The following RNF216 variants were observed in gnomAD, a reference collection of about 807,000 sequenced individuals.
The protein encoded by RNF216 is E3 ubiquitin-protein ligase RNF216.
Under a neutral mutation model 110.8 loss-of-function variants are expected in RNF216, and 72 were observed. The ratio of observed to expected loss-of-function variants is 0.65; its 90% CI spans 0.54 to 0.79. RNF216 has a LOEUF of 0.79. RNF216 is among the 30% of genes least tolerant of loss of function. The pLI is 0.00. For missense variants in RNF216, 1,342 were observed against 1,141.2 expected, an observed-to-expected ratio of 1.18 and a Z score of -2.54; for synonymous variants, 495 against 407.5, an observed-to-expected ratio of 1.21 and a Z score of -2.59.
intron 13 of RNF216, among the ~76,000 whole-genome samples, chr7:5,710,460 A>G (rs73673177): frequency 0.074 from 11,228 of 152,082 alleles, 1,365 homozygotes; most frequent in African/African-American, 0.26. Flanking sequence ...TTTCACTGGC[A>G]GACCTTCTTT....
chr7:5,744,167 G>T (rs1794913015), intron 3 of RNF216, among the ~76,000 whole-genome samples: 1 of 152,046 alleles, frequency 6.6e-6, no homozygotes, highest in Non-Finnish European at 1.5e-5. Flanking sequence ...CTGCAGCCAA[G>T]AAGAAGAAGA....
At chr7:5,673,257 C>T (rs1790040821) in intron 13 of RNF216, among the ~76,000 whole-genome samples, 1 of 152,210 alleles carries the variant, frequency 6.6e-6, no homozygotes, top group Non-Finnish European at 1.5e-5. Context: ...CATGGCCTCT[C>T]CCCGCCCACC....
At chr7:5,649,446 C>T (rs563663788) in intron 14 of RNF216, among the ~76,000 whole-genome samples, 13 of 151,708 alleles carry the variant, frequency 8.6e-5, no homozygotes, top group Non-Finnish European at 1.6e-4. Flanking sequence ...GAGGTCAAGG[C>T]TAAGGTTAGC....
At position 5,673,021 on chromosome 7, in the gene RNF216, G is replaced by A. The variant is rs1011180322; in HGVS notation, c.2062-20511C>T. ...TGTATTGTGTCTTAACAAGAGACAC[G>A]GGGCAGGGGCAGGGTGTATCCATCT... is the stretch of plus-strand genomic sequence containing the variant. On this transcript the variant is annotated intron_variant, in intron 13 of 16. Transcript: ENST00000389902. 3.9e-5 allele frequency among the ~76,000 whole-genome samples: 6 copies of A among 152,260 alleles called. No homozygotes were observed. The East Asian group carries it at 7.7e-4, about 20-fold the overall frequency.
At chr7:5,776,970 G>C (rs1197349246) in intron 1 of RNF216, among the ~76,000 whole-genome samples, 3 of 150,688 alleles carry the variant, frequency 2.0e-5, no homozygotes, top group Admixed American at 6.6e-5. Context: ...GAAAGAAAAA[G>C]AAAGTGAAAG....
intron 13 of RNF216, among the ~76,000 whole-genome samples, chr7:5,658,571 T>C (rs898061558): frequency 1.3e-5 from 2 of 151,332 alleles, no homozygotes; most frequent in Admixed American, 6.6e-5. Flanking sequence ...GGGGGAGGAT[T>C]TCTTGAGCCT....
chr7:5,744,715 A>G (rs1294108858), intron 3 of RNF216, among the ~76,000 whole-genome samples: 2 of 152,202 alleles, frequency 1.3e-5, no homozygotes, highest in Admixed American at 1.3e-4. Context: ...GCTTATGCCT[A>G]TAATCCCAGC....
chr7:5,781,316 G>A (rs1797077797), intron 1 of RNF216, among the ~76,000 whole-genome samples: 2 of 152,086 alleles, frequency 1.3e-5, no homozygotes, highest in Non-Finnish European at 2.9e-5. Flanking sequence ...GCCGCTCAGC[G>A]CCTTTGTCGC....
rs542279878 is a variant in RNF216, at chr7:5,641,137, G to A, written c.2382+17C>T. ...TTTTCTCCCTATAAAGCAATAGGCA[G>A]CCATGTGTCTACTTACAGTGGGATC... On this transcript the variant is annotated intron_variant, in intron 15 of 16. Transcript: ENST00000389902. 3.9e-6 allele frequency: 6 copies of A among 1,558,146 alleles called. No individual in the cohort carries two copies. The South Asian group carries it at 6.7e-5, about 17-fold the overall frequency.
At chr7:5,689,015 C>T (rs1258475034) in intron 13 of RNF216, among the ~76,000 whole-genome samples, 3 of 152,172 alleles carry the variant, frequency 2.0e-5, no homozygotes, top group African/African-American at 7.2e-5. Flanking sequence ...AGAAGCCTGG[C>T]ATCTTACTTG....
rs566567644 is a variant in RNF216, at chr7:5,620,798, C to G, written c.*2062G>C. 6.6e-6 allele frequency: 1 copy of G among 152,438 alleles called. No individual in the cohort carries two copies. Among genetic ancestry groups the G allele is most frequent in the African/African-American group, 2.4e-5 (1 of 41,456 alleles). The allele number at this position is 152,438 out of a possible 1,614,324, so 9.4% of individuals were successfully genotyped here. A position where few individuals can be genotyped will look rare whatever the true frequency, so the allele number is the denominator to read the frequency against. ...CCTGCTCCCTTTGTCCTGCCTGGGG[C>G]TCTTGCTGGAGCCACGTGCCTAGGG... On this transcript the variant is annotated 3_prime_UTR_variant, in exon 17 of 17. Coordinates refer to ENST00000389902, the MANE Select transcript of RNF216 (RefSeq NM_207111.4).
chr7:5,714,060 T>C (rs1792887470), intron 11 of RNF216, among the ~76,000 whole-genome samples: 1 of 152,220 alleles, frequency 6.6e-6, no homozygotes, highest in Non-Finnish European at 1.5e-5. Flanking sequence ...TGGAGTGCAG[T>C]GGTGCGATCT....
Position 5,716,709 on chromosome 7 carries a change from A to T in RNF216, c.1695+7T>A, listed in dbSNP as rs368657376. 1.1e-5 allele frequency: 17 copies of T among 1,581,478 alleles called. No individual in the cohort carries two copies. The highest frequency in any genetic ancestry group is 1.5e-5 in the Non-Finnish European group (17 of 1,160,968). ...CCCAGAATAAACAAGGTGAGATTTCAAACTACCTTTTGATACTGTTCTTCA... is the reference window on the plus strand; with the variant it reads ...CCCAGAATAAACAAGGTGAGATTTCTAACTACCTTTTGATACTGTTCTTCA... On this transcript the variant is annotated splice_region_variant and intron_variant, in intron 10 of 16. Coordinates refer to ENST00000389902, the MANE Select transcript of RNF216 (RefSeq NM_207111.4).
intron 3 of RNF216, among the ~76,000 whole-genome samples, chr7:5,745,116 C>G (rs960180025): frequency 1.3e-5 from 2 of 152,148 alleles, no homozygotes; most frequent in African/African-American, 4.8e-5. Context: ...GGAGAAAACA[C>G]TAATATTAGC....
intron 1 of RNF216, among the ~76,000 whole-genome samples, chr7:5,773,715 C>T (rs1485897948): frequency 6.6e-6 from 1 of 151,782 alleles, no homozygotes; most frequent in Admixed American, 6.6e-5. Context: ...ACGACACATG[C>T]GTGCCACCAT....
chr7:5,676,779 C>T (rs765977902), intron 13 of RNF216, among the ~76,000 whole-genome samples: 41 of 152,292 alleles, frequency 2.7e-4, no homozygotes, highest in Middle Eastern at 3.4e-3. Context: ...CAACCTGAGC[C>T]ACGACACAGA....
chr7:5,686,573 T>C (rs145184975), intron 13 of RNF216, among the ~76,000 whole-genome samples: 120 of 152,390 alleles, frequency 7.9e-4, no homozygotes, highest in African/African-American at 2.8e-3. Flanking sequence ...CCAGTGTTCC[T>C]AAACTGATGT....
intron 5 of RNF216, 52 bp downstream of exon 5, chr7:5,739,224 A>C: frequency 6.8e-7 from 1 of 1,472,516 alleles, no homozygotes; most frequent in African/African-American, 1.4e-5. Flanking sequence ...TTTATTACAT[A>C]TATTTTACCA....
intron 13 of RNF216, among the ~76,000 whole-genome samples, chr7:5,684,216 C>T (rs1284725877): frequency 2.0e-5 from 3 of 151,422 alleles, no homozygotes; most frequent in African/African-American, 7.3e-5. Context: ...CATTCTCCCA[C>T]CTCAGCCTCC....
Sources: allele counts gnomAD v4.1 joint callset (sites outside exome capture counted in the v4.1 genomes callset), GRCh38; gene constraint gnomAD v4.1.1; transcripts MANE v1.5; gene names NCBI Gene and HGNC (gene_info 2026-07-23, HGNC 2026-07-21).